OR1L8: variants seen among roughly 807,000 people sequenced by gnomAD.
OR1L8 encodes the protein olfactory receptor family 1 subfamily L member 8.
For missense variants in OR1L8, 330 were observed against 377.4 expected (o/e 0.87, Z 1.04); for synonymous variants, 148 against 147.0 (o/e 1.01, Z -0.05).
At chr9:122,549,106 C>T in the OR1L8 span, among the ~76,000 whole-genome samples, 10 of 152,018 alleles carry the variant, frequency 6.6e-5, no homozygotes, top group Non-Finnish European at 1.5e-4. Context: ...AGTGAGATCC[C>T]CAATGTTGGA....
Position 122,568,200 on chromosome 9 carries a change from A to G in OR1L8, c.278T>C (p.Ile93Thr). Reference sequence around the variant, plus strand: ...CTGTGTCAGACACCCAGCATAGGAGATGGTCTTCTTTTCTGACAGGAAGTT... The same window carrying G: ...CTGTGTCAGACACCCAGCATAGGAGGTGGTCTTCTTTTCTGACAGGAAGTT... ...LMNFLSEKKT[I>T]SYAGCLTQMY... The change falls in exon 5 of 5, where the codon ATC becomes ACC. Residue 93 changes from isoleucine to threonine, a missense_variant. Ile to Thr is a moderately conservative substitution (Grantham distance 89). Transcript: ENST00000641027. The G allele has an allele frequency of 6.2e-7, 1 of 1,614,220 alleles. No individual in the cohort carries two copies. Among genetic ancestry groups the G allele is most frequent in the Non-Finnish European group, 8.5e-7 (1 of 1,180,022 alleles).
At chr9:122,569,369 T>A (rs1477785221) in intron 4 of OR1L8, among the ~76,000 whole-genome samples, 1 of 151,462 alleles carries the variant, frequency 6.6e-6, no homozygotes, top group Non-Finnish European at 1.5e-5. Context: ...TTTTTTGGTA[T>A]ATATATTTTT....
At chr9:122,548,657 A>G in the OR1L8 span, among the ~76,000 whole-genome samples, 2 of 151,946 alleles carry the variant, frequency 1.3e-5, no homozygotes, top group Non-Finnish European at 2.9e-5. Flanking sequence ...GGTTTGTTAC[A>G]TATGTATGCA....
the OR1L8 span, among the ~76,000 whole-genome samples, chr9:122,548,446 A>C: frequency 1.3e-5 from 2 of 152,210 alleles, no homozygotes; most frequent in Non-Finnish European, 2.9e-5. Flanking sequence ...AAAACAGGCC[A>C]GAGCAATCTT....
the OR1L8 span, among the ~76,000 whole-genome samples, chr9:122,548,601 A>ATATATATATATATATATATATT: frequency 6.6e-6 from 1 of 151,550 alleles, no homozygotes; most frequent in Non-Finnish European, 1.5e-5. Flanking sequence ...ATATATATAT[A>ATATATATATATATATATATATT]TTTTTATTAT....
the OR1L8 span, chr9:122,553,931 C>T: frequency 2.5e-6 from 4 of 1,613,820 alleles, no homozygotes; most frequent in Middle Eastern, 1.6e-4. Context: ...GATGGAAGGC[C>T]TTCTCTACCT....
intron 2 of OR1L8, among the ~76,000 whole-genome samples, 180 bp from the exon 3 acceptor site, chr9:122,577,081 C>T (rs1449699297): frequency 6.6e-6 from 1 of 152,116 alleles, no homozygotes; most frequent in Non-Finnish European, 1.5e-5. Context: ...CTTTCTACTG[C>T]TGCTAGTAGT....
Position 122,567,926 on chromosome 9 carries a change from A to C in OR1L8, c.552T>G (p.Pro184=). The change falls in exon 5 of 5, where the codon CCT becomes CCG. Residue 184 remains proline (P), a synonymous_variant. Transcript: ENST00000641027. ...VIHHFLCDLS[P]VLKLSCSSIF... ...TGGAAGAGCAGGACAATTTCAGCAC[A>C]GGGCTGAGGTCACAGAGAAAGTGGT... 2 of 1,614,014 alleles carry C rather than the reference A, an allele frequency of 1.2e-6. No homozygotes were observed. Among genetic ancestry groups the C allele is most frequent in the Admixed American group, 1.7e-5 (1 of 60,020 alleles).
chr9:122,556,576 T>A, the OR1L8 span, among the ~76,000 whole-genome samples: 1 of 152,086 alleles, frequency 6.6e-6, no homozygotes, highest in Admixed American at 6.6e-5. Context: ...ATGCGGGGCT[T>A]AAAGCCTAGA....
the OR1L8 span, among the ~76,000 whole-genome samples, chr9:122,557,736 GTTCT>G: frequency 1.3e-5 from 2 of 151,986 alleles, no homozygotes; most frequent in Non-Finnish European, 2.9e-5. Flanking sequence ...TGAGCTAAAA[GTTCT>G]TTCTTACTCT....
chr9:122,566,467 A>G (rs1291267707), downstream of OR1L8, among the ~76,000 whole-genome samples: 1 of 152,004 alleles, frequency 6.6e-6, no homozygotes, highest in African/African-American at 2.4e-5. Flanking sequence ...TAATGGATTC[A>G]TACTTTTACA....
At chr9:122,562,397 G>A (rs1829367739), downstream of OR1L8, among the ~76,000 whole-genome samples, 4 of 152,248 alleles carry the variant, frequency 2.6e-5, no homozygotes, top group South Asian at 8.3e-4. Context: ...CTAGCTGAGT[G>A]GCTATTGAGA....
the OR1L8 span, among the ~76,000 whole-genome samples, chr9:122,557,217 A>C: frequency 8.1e-4 from 123 of 152,036 alleles, 1 homozygote; most frequent in African/African-American, 2.6e-3. Context: ...TATACTTTTC[A>C]TTTTCTTGTC....
the OR1L8 span, among the ~76,000 whole-genome samples, chr9:122,561,769 T>G: frequency 3.9e-5 from 6 of 152,192 alleles, no homozygotes; most frequent in Admixed American, 3.9e-4. Flanking sequence ...GGAATGCTTC[T>G]GTATAAAATG....
At chr9:122,554,571 C>T in the OR1L8 span, among the ~76,000 whole-genome samples, 45,362 of 152,012 alleles carry the variant, frequency 0.3, 7,638 homozygotes, top group East Asian at 0.78. Flanking sequence ...TTATTCCTTA[C>T]ATCAGTTACT....
At chr9:122,563,793 G>C (rs1829387935), downstream of OR1L8, among the ~76,000 whole-genome samples, 1 of 152,142 alleles carries the variant, frequency 6.6e-6, no homozygotes, top group African/African-American at 2.4e-5. Flanking sequence ...TTTTGTATGT[G>C]GTAAGAGATA....
chr9:122,570,581 A>C (rs1829528502), intron 4 of OR1L8, among the ~76,000 whole-genome samples: 1 of 152,208 alleles, frequency 6.6e-6, no homozygotes, highest in Non-Finnish European at 1.5e-5. Context: ...CATTTGAAAG[A>C]CTTAAAAGAG....
At chr9:122,552,753 T>A in the OR1L8 span, among the ~76,000 whole-genome samples, 4 of 65,796 alleles carry the variant, frequency 6.1e-5, no homozygotes, top group African/African-American at 1.7e-4. Context: ...GGCTTGAGTG[T>A]GTGTGTGTGT....
chr9:122,560,720 T>C, the OR1L8 span, among the ~76,000 whole-genome samples: 1 of 152,218 alleles, frequency 6.6e-6, no homozygotes, highest in South Asian at 2.1e-4. Context: ...GGGTTTCCCT[T>C]TGTAGGTGAC....
Sources: allele counts gnomAD v4.1 joint callset (sites outside exome capture counted in the v4.1 genomes callset), GRCh38; gene constraint gnomAD v4.1.1; transcripts MANE v1.5; gene names NCBI Gene and HGNC (gene_info 2026-07-23, HGNC 2026-07-21).